Variants in KLHL3 observed in about 807,000 individuals in gnomAD.
KLHL3 encodes kelch like family member 3.
Under a neutral mutation model 70.5 loss-of-function variants are expected in KLHL3, and 19 were observed. The observed-to-expected ratio is 0.27, with a 90% confidence interval of 0.19 to 0.40. The LOEUF is 0.40. KLHL3 is among the 10% of genes least tolerant of loss of function. KLHL3 has a pLI of 1.00. For synonymous variants in KLHL3, 258 were observed against 290.3 expected, an observed-to-expected ratio of 0.89 and a Z score of 1.13; for missense variants, 512 against 771.1, an observed-to-expected ratio of 0.66 and a Z score of 3.98.
At chr5:137,647,739 A>G in intron 8 of KLHL3, 1 of 386,424 alleles carries the variant, frequency 2.6e-6, no homozygotes, top group South Asian at 1.9e-5. Context: ...CTAGGCAAGT[A>G]CTGATAGCAA....
chr5:137,660,438 T>C (rs988059697), intron 7 of KLHL3, among the ~76,000 whole-genome samples: 3 of 152,178 alleles, frequency 2.0e-5, no homozygotes, highest in Non-Finnish European at 2.9e-5. Flanking sequence ...AGTGGGAGGT[T>C]TGACTGACAC....
chr5:137,690,235 G>C (rs1191405519), intron 5 of KLHL3, among the ~76,000 whole-genome samples: 1 of 151,818 alleles, frequency 6.6e-6, no homozygotes. Context: ...GCTGAGGCAG[G>C]AGAATGGCGT....
intron 3 of KLHL3, among the ~76,000 whole-genome samples, chr5:137,705,630 G>A (rs909862682): frequency 6.6e-6 from 1 of 152,208 alleles, no homozygotes; most frequent in Non-Finnish European, 1.5e-5. Flanking sequence ...GGAAGCCCAA[G>A]TGTCTTTTAG....
intron 1 of KLHL3, among the ~76,000 whole-genome samples, chr5:137,726,147 C>G (rs1753081520): frequency 6.6e-6 from 1 of 152,206 alleles, no homozygotes; most frequent in Admixed American, 6.5e-5. Context: ...ACACAGGTCT[C>G]TTCGGGGCTG....
At chr5:137,703,073 C>T (rs1752604169) in intron 3 of KLHL3, among the ~76,000 whole-genome samples, 1 of 152,124 alleles carries the variant, frequency 6.6e-6, no homozygotes, top group African/African-American at 2.4e-5. Context: ...GTAAATAAAG[C>T]CTTGAGAATG....
intron 6 of KLHL3, among the ~76,000 whole-genome samples, chr5:137,674,539 A>G (rs1751839953): frequency 6.6e-6 from 1 of 152,186 alleles, no homozygotes; most frequent in Non-Finnish European, 1.5e-5. Flanking sequence ...TTTACATGTT[A>G]ATGTCTGAAA....
At chr5:137,723,432 T>C (rs920909175) in intron 1 of KLHL3, among the ~76,000 whole-genome samples, 1 of 152,260 alleles carries the variant, frequency 6.6e-6, no homozygotes, top group African/African-American at 2.4e-5. Context: ...TTTTAGATTT[T>C]TCTGTATGAA....
intron 3 of KLHL3, chr5:137,706,101 G>A (rs1752680005): frequency 2.0e-6 from 2 of 985,420 alleles, no homozygotes; most frequent in Non-Finnish European, 2.4e-6. Context: ...GTCAAGAAGT[G>A]TGGGATTGGT....
chr5:137,676,456 C>T (rs1032740101), intron 6 of KLHL3, among the ~76,000 whole-genome samples: 2 of 152,130 alleles, frequency 1.3e-5, no homozygotes, highest in Admixed American at 1.3e-4. Flanking sequence ...CATCAAGGAA[C>T]TCAGCTGAAT....
intron 8 of KLHL3, among the ~76,000 whole-genome samples, chr5:137,640,913 A>G (rs1383240407): frequency 6.6e-6 from 1 of 152,210 alleles, no homozygotes; most frequent in Non-Finnish European, 1.5e-5. Flanking sequence ...TTCATGAAAT[A>G]TTGGTTTTGG....
chr5:137,661,779 C>G (rs1469299149), intron 7 of KLHL3, 136 bp downstream of exon 7: 2 of 620,596 alleles, frequency 3.2e-6, no homozygotes, highest in East Asian at 5.3e-5. Flanking sequence ...AACACTTAAC[C>G]CAGTGGGCTG....
At chr5:137,704,501 T>G (rs1752645207) in intron 3 of KLHL3, among the ~76,000 whole-genome samples, 1 of 152,218 alleles carries the variant, frequency 6.6e-6, no homozygotes, top group South Asian at 2.1e-4. Context: ...GTTTAATCCT[T>G]AGTAAAGAGG....
At chr5:137,669,648 G>A (rs1394305222) in intron 6 of KLHL3, among the ~76,000 whole-genome samples, 1 of 152,246 alleles carries the variant, frequency 6.6e-6, no homozygotes, top group Non-Finnish European at 1.5e-5. Flanking sequence ...AGAGACGTCA[G>A]TGGTACTAAT....
chr5:137,719,121 C>A (rs1445610991), intron 2 of KLHL3, among the ~76,000 whole-genome samples: 1 of 152,260 alleles, frequency 6.6e-6, no homozygotes, highest in African/African-American at 2.4e-5. Context: ...AAAGTTCCCA[C>A]CTGTCATACT....
rs1753256658 is a variant in KLHL3 at position 137,736,063 on chromosome 5, G to T, written c.-417C>A. 2 of 329,540 alleles carry T rather than the reference G, an allele frequency of 6.1e-6. No individual in the cohort carries two copies. Among genetic ancestry groups the T allele is most frequent in the South Asian group, 5.6e-5 (2 of 35,508 alleles). The allele number at this position is 329,540 out of a possible 1,614,324, so 20.4% of individuals were successfully genotyped here. A position where few individuals can be genotyped will look rare whatever the true frequency, so the allele number is the denominator to read the frequency against. On this transcript the variant is annotated 5_prime_UTR_variant, in exon 1 of 15. Coordinates refer to ENST00000309755, the MANE Select transcript of KLHL3 (RefSeq NM_017415.3). ...CGATTAGCCCGCCCCTGGGGCTCCT[G>T]CCTCCTCTGTCTAGGCTGCAAAGAA...
Position 137,698,321 on chromosome 5 carries a change from G to C in KLHL3, c.329C>G (p.Thr110Ser). The C allele has an allele frequency of 6.2e-7, 1 of 1,614,206 alleles. No homozygotes were observed. Among genetic ancestry groups the C allele is most frequent in the Non-Finnish European group, 8.5e-7 (1 of 1,180,014 alleles). ...CTCTTCAGTCACCTCGATTTCAGCA[G>C]TATAGATGTAGTCAATCAGCTTACT... ...TLSKLIDYIYTAEIEVTEENV... is the reference protein window; with the variant it reads ...TLSKLIDYIYSAEIEVTEENV... Residue 110 changes from threonine to serine, a missense_variant, in exon 4 of 15, where the codon ACT (threonine) becomes AGT (serine). Coordinates refer to ENST00000309755, the MANE Select transcript of KLHL3 (RefSeq NM_017415.3).
At chr5:137,631,407 A>C (rs6860437) in intron 12 of KLHL3, among the ~76,000 whole-genome samples, 2 of 152,226 alleles carry the variant, frequency 1.3e-5, no homozygotes, top group African/African-American at 2.4e-5. Flanking sequence ...CATTTTCTTC[A>C]CATGTTGGGG....
intron 6 of KLHL3, among the ~76,000 whole-genome samples, chr5:137,671,528 G>A (rs1295272990): frequency 3.3e-5 from 5 of 152,130 alleles, no homozygotes; most frequent in Admixed American, 3.3e-4. Flanking sequence ...AGTGGGGCTT[G>A]GGAGGCAGAC....
chr5:137,633,048 AG>A (rs1750676678), intron 12 of KLHL3, among the ~76,000 whole-genome samples: 1 of 152,158 alleles, frequency 6.6e-6, no homozygotes, highest in South Asian at 2.1e-4. Flanking sequence ...TGAGAGGCCG[AG>A]GCAGGTGGAT....
Sources: gnomAD v4.1 joint callset for allele counts (sites outside exome capture counted in the v4.1 genomes callset) on GRCh38, gnomAD v4.1.1 for gene constraint, MANE v1.5 for transcripts, NCBI Gene and HGNC (gene_info 2026-07-23, HGNC 2026-07-21) for gene names.